Variants in ABI1 observed in about 807,000 individuals in gnomAD.
ABI1 encodes the protein Abelson interactor 1.
In ABI1, 14 loss-of-function variants were observed where a neutral mutation model predicts 54.6. The ratio of observed to expected loss-of-function variants is 0.26; its 90% CI spans 0.17 to 0.40. The LOEUF (loss-of-function observed/expected upper bound fraction) is 0.40. Among genes scored for constraint, ABI1 ranks in the 10% least tolerant of loss-of-function variants. The pLI is 1.00. For synonymous variants in ABI1, 194 were observed against 209.3 expected, an observed-to-expected ratio of 0.93 and a Z score of 0.63; for missense variants, 443 against 598.3, an observed-to-expected ratio of 0.74 and a Z score of 2.71.
chr10:26,830,927 T>C (rs2048631159), intron 1 of ABI1, among the ~76,000 whole-genome samples: 1 of 152,140 alleles, frequency 6.6e-6, no homozygotes, highest in African/African-American at 2.4e-5. Flanking sequence ...GACAGTGTCT[T>C]TCTCTGTACC....
chr10:26,832,147 C>T (rs2133926168), intron 1 of ABI1, among the ~76,000 whole-genome samples: 1 of 152,354 alleles, frequency 6.6e-6, no homozygotes, highest in African/African-American at 2.4e-5. Context: ...TGACCGCTGA[C>T]TGGCTGATGA....
chr10:26,809,617 T>G (rs1588945019), intron 2 of ABI1, among the ~76,000 whole-genome samples: 1 of 152,118 alleles, frequency 6.6e-6, no homozygotes, highest in Non-Finnish European at 1.5e-5. Flanking sequence ...ACTTTCATTT[T>G]CACATAAAAA....
intron 7 of ABI1, among the ~76,000 whole-genome samples, chr10:26,760,798 G>C (rs1202766122): frequency 7.0e-6 from 1 of 141,880 alleles, no homozygotes; most frequent in Non-Finnish European, 1.5e-5. Flanking sequence ...GTTGAGACAG[G>C]AGAATCACTT....
chr10:26,778,116 A>C (rs539857049), intron 2 of ABI1, among the ~76,000 whole-genome samples: 233 of 152,206 alleles, frequency 1.5e-3, no homozygotes, highest in African/African-American at 5.1e-3. Context: ...CTGCAGACAA[A>C]GGTTTAAGAG....
chr10:26,774,380 C>G (rs1021470541), intron 3 of ABI1, among the ~76,000 whole-genome samples: 4 of 152,142 alleles, frequency 2.6e-5, no homozygotes, highest in Admixed American at 2.0e-4. Flanking sequence ...TTAATTATTA[C>G]TAGTGTTCAT....
chr10:26,765,282 A>G lies in ABI1; in HGVS notation c.756T>C (p.Ser252=), dbSNP rs1248764517. The G allele has an allele frequency of 6.3e-7, 1 of 1,593,510 alleles. No individual in the cohort carries two copies. ...TGGGAATGCCAATACTACTGCTACCACTGTTTTCTCGACTTCCACTTCCTC... is the reference window on the plus strand; with the variant it reads ...TGGGAATGCCAATACTACTGCTACCGCTGTTTTCTCGACTTCCACTTCCTC... ...SSGGSGSREN[S]GSSSIGIPIA... The change falls in exon 7 of 11, where the codon AGT becomes AGC. Residue 252 remains serine, a synonymous_variant. Coordinates refer to ENST00000376140, the MANE Select transcript of ABI1 (RefSeq NM_001012750.3).
chr10:26,757,982 C>T (rs1449562921), intron 8 of ABI1, among the ~76,000 whole-genome samples: 1 of 144,604 alleles, frequency 6.9e-6, no homozygotes, highest in Non-Finnish European at 1.5e-5. Flanking sequence ...GCAGGAGAAT[C>T]GCTTGATCCT....
At chr10:26,853,584 G>A (rs1308645271) in intron 1 of ABI1, among the ~76,000 whole-genome samples, 1 of 146,582 alleles carries the variant, frequency 6.8e-6, no homozygotes, top group Non-Finnish European at 1.5e-5. Context: ...CAGGCTGCCA[G>A]GCTGGAGTTC....
chr10:26,829,089 A>G (rs939742368), intron 1 of ABI1, among the ~76,000 whole-genome samples: 10 of 151,908 alleles, frequency 6.6e-5, no homozygotes, highest in African/African-American at 2.4e-4. Flanking sequence ...AGCCGGGCGC[A>G]GTGGCAGGCG....
At chr10:26,758,046 C>T (rs533358930) in intron 8 of ABI1, among the ~76,000 whole-genome samples, 3 of 111,108 alleles carry the variant, frequency 2.7e-5, no homozygotes, top group African/African-American at 1.1e-4. Flanking sequence ...CCAGCCTGGG[C>T]GACAAGAGTG....
chr10:26,838,896 A>G (rs1402067123), intron 1 of ABI1, among the ~76,000 whole-genome samples: 1 of 152,232 alleles, frequency 6.6e-6, no homozygotes, highest in African/African-American at 2.4e-5. Context: ...ACTATGCCAC[A>G]CTGCCTCCAT....
chr10:26,798,503 C>A (rs188042493), intron 2 of ABI1, among the ~76,000 whole-genome samples: 1 of 152,024 alleles, frequency 6.6e-6, no homozygotes, highest in Admixed American at 6.6e-5. Context: ...AACAGATGCT[C>A]CCCTAGTGCT....
chr10:26,853,529 CTTTTTTTTTTTT>C (rs535088026), intron 1 of ABI1, among the ~76,000 whole-genome samples: 147 of 130,848 alleles, frequency 1.1e-3, no homozygotes, highest in Non-Finnish European at 1.7e-3. Context: ...TTTTACCTTA[CTTTTTTTTTTTT>C]TTTTTTTTGA....
chr10:26,838,982 A>T (rs1448659406), intron 1 of ABI1, among the ~76,000 whole-genome samples: 1 of 152,154 alleles, frequency 6.6e-6, no homozygotes, highest in Non-Finnish European at 1.5e-5. Context: ...ATCATTAACT[A>T]CTCTGCATAC....
chr10:26,747,249 G>C lies in ABI1; in HGVS notation c.*1321C>G, dbSNP rs527287012. On this transcript the variant is annotated 3_prime_UTR_variant, in exon 11 of 11. Transcript: ENST00000376140. Reference sequence around the variant, plus strand: ...TGAGTGCTCTACTTTAATATCCTAAGCAATAGAGAATTATACACAAGACAA... The same window carrying C: ...TGAGTGCTCTACTTTAATATCCTAACCAATAGAGAATTATACACAAGACAA... The C allele has an allele frequency of 4.4e-6, 1 of 224,768 alleles. No individual in the cohort carries two copies. The highest frequency in any genetic ancestry group is 6.5e-5 in the East Asian group (1 of 15,498). 13.9% of individuals were successfully genotyped at this position (224,768 alleles called of 1,614,324 possible). A position where few individuals can be genotyped will look rare whatever the true frequency, so the allele number is the denominator to read the frequency against.
At chr10:26,827,670 G>A (rs2048396598) in intron 1 of ABI1, among the ~76,000 whole-genome samples, 1 of 147,258 alleles carries the variant, frequency 6.8e-6, no homozygotes, top group Non-Finnish European at 1.5e-5. Context: ...TCGGCTCACT[G>A]CAAACTCTGC....
intron 1 of ABI1, among the ~76,000 whole-genome samples, chr10:26,851,886 A>G (rs1357146249): frequency 6.6e-6 from 1 of 152,204 alleles, no homozygotes; most frequent in African/African-American, 2.4e-5. Context: ...GAAAAAAATT[A>G]AAATAGTTTG....
At chr10:26,786,220 CT>C (rs112500030) in intron 2 of ABI1, among the ~76,000 whole-genome samples, 108 of 146,418 alleles carry the variant, frequency 7.4e-4, no homozygotes, top group East Asian at 1.2e-3. Context: ...CCTCTCTACA[CT>C]TTTTTTTTTT....
chr10:26,828,768 G>A (rs574118649), intron 1 of ABI1, among the ~76,000 whole-genome samples: 2 of 152,294 alleles, frequency 1.3e-5, no homozygotes, highest in South Asian at 2.1e-4. Context: ...TATTGCTGGT[G>A]TTAATACTGA....
Sources: allele counts gnomAD v4.1 joint callset (sites outside exome capture counted in the v4.1 genomes callset), GRCh38; gene constraint gnomAD v4.1.1; transcripts MANE v1.5; gene names NCBI Gene and HGNC (gene_info 2026-07-23, HGNC 2026-07-21).